NF1: variants seen among roughly 807,000 people sequenced by gnomAD.
NF1 encodes neurofibromin.
Under a neutral mutation model 325.7 loss-of-function variants are expected in NF1, and 122 were observed. That is an observed-to-expected ratio of 0.37 (90% CI 0.32 to 0.44). The LOEUF (loss-of-function observed/expected upper bound fraction) is 0.44. Among genes scored for constraint, NF1 ranks in the 20% least tolerant of loss-of-function variants. NF1 has a pLI of 1.00. For synonymous variants in NF1, 1,091 were observed against 1,186.0 expected (o/e 0.92, Z 1.65); for missense variants, 2,140 against 3,415.4 (o/e 0.63, Z 9.31).
rs2066159504 is a variant in NF1 at position 31,182,644 on chromosome 17, TGATGAAAACAACA to T, written c.868_880del (p.Asp290Ter). 1 of 1,613,638 alleles carries T rather than the reference TGATGAAAACAACA, an allele frequency of 6.2e-7. No homozygotes were observed. ...TCCAGGATATATCCAAAGACGTGGT[TGATGAAAACAACA>T]TGAATAAGGTAAGGAGGGCAAAATT... On this transcript the variant is annotated frameshift_variant, in exon 8 of 58. Transcript: ENST00000358273. LOFTEE classifies it high-confidence loss of function.
At chr17:31,304,540 T>C in intron 36 of NF1, 7 of 1,614,172 alleles carry the variant, frequency 4.3e-6, no homozygotes, top group Non-Finnish European at 5.9e-6. Flanking sequence ...CATTGTGGGT[T>C]TGTCAGATTG....
chr17:31,217,328 C>G (rs1009791010), intron 13 of NF1, among the ~76,000 whole-genome samples: 5 of 130,972 alleles, frequency 3.8e-5, no homozygotes, highest in African/African-American at 1.4e-4. Flanking sequence ...TTTTTTTTTT[C>G]TGAGACAGAG....
intron 12 of NF1, among the ~76,000 whole-genome samples, chr17:31,211,756 A>G (rs1258275829): frequency 6.6e-6 from 1 of 152,222 alleles, no homozygotes; most frequent in Non-Finnish European, 1.5e-5. Flanking sequence ...AAAAAAATGT[A>G]TAGGACACTT....
intron 11 of NF1, among the ~76,000 whole-genome samples, chr17:31,203,048 T>C (rs979775287): frequency 2.6e-5 from 4 of 152,204 alleles, no homozygotes; most frequent in Non-Finnish European, 5.9e-5. Context: ...TTTTGATACT[T>C]TGTGGCTAGT....
chr17:31,106,112 C>T (rs1293607263), intron 1 of NF1, among the ~76,000 whole-genome samples: 1 of 152,134 alleles, frequency 6.6e-6, no homozygotes, highest in Non-Finnish European at 1.5e-5. Flanking sequence ...CAACTTTTAC[C>T]ACTTTAGACT....
intron 56 of NF1, 73 bp downstream of exon 56, chr17:31,359,088 G>A (rs2151586273): frequency 8.4e-7 from 1 of 1,194,544 alleles, no homozygotes; most frequent in African/African-American, 1.5e-5. Context: ...CCTGCTTTAA[G>A]AACACACAAT....
chr17:31,267,434 T>A (rs1210609411), intron 36 of NF1, among the ~76,000 whole-genome samples: 2 of 152,186 alleles, frequency 1.3e-5, no homozygotes, highest in Non-Finnish European at 2.9e-5. Flanking sequence ...TTTCAGATTT[T>A]CAATCCTTTT....
chr17:31,311,288 T>C (rs552848998), intron 36 of NF1, among the ~76,000 whole-genome samples: 9 of 151,960 alleles, frequency 5.9e-5, no homozygotes, highest in Non-Finnish European at 8.8e-5. Context: ...GCATAAGTAC[T>C]TAAAGGGTCC....
At chr17:31,181,581 G>A in intron 6 of NF1, 92 bp downstream of exon 6, 2 of 1,351,466 alleles carry the variant, frequency 1.5e-6, no homozygotes, top group Non-Finnish European at 2.1e-6. Context: ...TGACTTGAGT[G>A]ATAGTTTCAC....
Position 31,233,048 on chromosome 17 carries a change from A to C in NF1, c.3543A>C (p.Glu1181Asp). Residue 1181 changes from glutamate (E) to aspartate (D), a missense_variant, in exon 27 of 58, where the codon GAA becomes GAC. Glu to Asp is a conservative substitution (Grantham distance 45). Coordinates refer to ENST00000358273, the MANE Select transcript of NF1 (RefSeq NM_001042492.3). ...KDLQTRATFM[E>D]VLTKILQQGT... ...TCCAGACAAGAGCTACATTTATGGAAGTTCTGACAAAAATCCTTCAACAAG... is the reference window on the plus strand; with the variant it reads ...TCCAGACAAGAGCTACATTTATGGACGTTCTGACAAAAATCCTTCAACAAG... The C allele has an allele frequency of 6.2e-7, 1 of 1,614,234 alleles. No individual in the cohort carries two copies. Among genetic ancestry groups the C allele is most frequent in the Non-Finnish European group, 8.5e-7 (1 of 1,180,042 alleles).
intron 5 of NF1, among the ~76,000 whole-genome samples, chr17:31,180,038 A>G (rs2066098129): frequency 6.6e-6 from 1 of 152,222 alleles, no homozygotes; most frequent in African/African-American, 2.4e-5. Context: ...CACCCTCCCA[A>G]GACTAAACCA....
chr17:31,244,280 G>A (rs1055604102), intron 29 of NF1, among the ~76,000 whole-genome samples: 4 of 152,172 alleles, frequency 2.6e-5, no homozygotes, highest in South Asian at 2.1e-4. Context: ...AGCTGCCTGG[G>A]TTTGGGAGAG....
At chr17:31,267,194 G>A (rs2067806397) in intron 36 of NF1, among the ~76,000 whole-genome samples, 2 of 152,222 alleles carry the variant, frequency 1.3e-5, no homozygotes, top group East Asian at 3.9e-4. Context: ...GCCTCCCAAA[G>A]TGCTGGGAAT....
At chr17:31,338,951 G>C (rs527886297) in intron 46 of NF1, 146 bp downstream of exon 46, 10 of 641,164 alleles carry the variant, frequency 1.6e-5, no homozygotes, top group Non-Finnish European at 2.8e-5. Context: ...TTAAAGTTTA[G>C]TTGTTTGAAG....
At position 31,262,059 on chromosome 17, in the gene NF1, T is replaced by C. The variant is rs542172714; in HGVS notation, c.4724+202T>C. On this transcript the variant is annotated intron_variant, in intron 35 of 57. Transcript: ENST00000358273. ...TTTTATATATTGATTGTCATAACAA[T>C]AGTAACAAATCATATTTTATCATCT... is the stretch of plus-strand genomic sequence containing the variant. 3.1e-4 allele frequency among the ~76,000 whole-genome samples: 47 copies of C among 152,310 alleles called. No individual in the cohort carries two copies. The South Asian group carries it at 9.5e-3, about 31-fold the overall frequency.
At chr17:31,280,087 C>T (rs2068087301) in intron 36 of NF1, among the ~76,000 whole-genome samples, 1 of 152,076 alleles carries the variant, frequency 6.6e-6, no homozygotes, top group Non-Finnish European at 1.5e-5. Context: ...ATGCTTCACT[C>T]TCATGCTACC....
At chr17:31,254,831 A>G (rs2067555511) in intron 31 of NF1, among the ~76,000 whole-genome samples, 1 of 152,152 alleles carries the variant, frequency 6.6e-6, no homozygotes, top group African/African-American at 2.4e-5. Context: ...CGAGCTCCTC[A>G]TGGAAACAAG....
rs372260606 is a variant in NF1, at chr17:31,146,967, A to G, written c.61-9016A>G. 2.3e-4 allele frequency among the ~76,000 whole-genome samples: 35 copies of G among 152,380 alleles called. No homozygotes were observed. The South Asian group carries it at 7.0e-3, about 31-fold the overall frequency. ...AGGTAAGTCCTTTTTTGAAGGAGGA[A>G]CTGGGTAGCACCTCAGTGTCTACCA... On this transcript the variant is annotated intron_variant, in intron 1 of 57. Transcript: ENST00000358273.
chr17:31,130,538 G>A (rs1915284186), intron 1 of NF1, among the ~76,000 whole-genome samples: 1 of 151,410 alleles, frequency 6.6e-6, no homozygotes, highest in African/African-American at 2.4e-5. Context: ...AGGACTGGGT[G>A]TGCCCTCTGT....
Sources: allele counts gnomAD v4.1 joint callset (sites outside exome capture counted in the v4.1 genomes callset), GRCh38; gene constraint gnomAD v4.1.1; transcripts MANE v1.5; gene names NCBI Gene and HGNC (gene_info 2026-07-23, HGNC 2026-07-21).